The following HSD17B4 variants were observed in gnomAD, a reference collection of about 807,000 sequenced individuals.
The protein encoded by HSD17B4 is hydroxysteroid 17-beta dehydrogenase 4.
In HSD17B4, 70 loss-of-function variants were observed where a neutral mutation model predicts 101.0. That is an observed-to-expected ratio of 0.69 (90% confidence interval 0.57 to 0.85). The LOEUF is 0.85. Ranked by LOEUF, HSD17B4 falls within the 40% of genes least tolerant of loss-of-function variation. The probability of loss-of-function intolerance (pLI) is 0.00; values close to 1 mark genes in which losing one functional copy is unlikely to be tolerated. For synonymous variants in HSD17B4, 347 were observed against 297.1 expected, an observed-to-expected ratio of 1.17 and a Z score of -1.73; for missense variants, 984 against 892.4, an observed-to-expected ratio of 1.10 and a Z score of -1.31.
intron 8 of HSD17B4, among the ~76,000 whole-genome samples, chr5:119,481,103 C>G (rs1749087273): frequency 6.6e-6 from 1 of 152,112 alleles, no homozygotes; most frequent in East Asian, 1.9e-4. Flanking sequence ...ATACATCCTC[C>G]TCGGCTGACA....
chr5:119,502,325 A>C (rs1317180897), intron 14 of HSD17B4, among the ~76,000 whole-genome samples: 1 of 152,076 alleles, frequency 6.6e-6, no homozygotes, highest in African/African-American at 2.4e-5. Context: ...ATCTCTGTTG[A>C]TGTATGTGTT....
chr5:119,511,656 A>G (rs1752180042), intron 16 of HSD17B4, among the ~76,000 whole-genome samples: 1 of 152,166 alleles, frequency 6.6e-6, no homozygotes, highest in Non-Finnish European at 1.5e-5. Context: ...GGGTGACTGC[A>G]CCTACTCAAG....
At chr5:119,475,267 A>G (rs1344231185) in intron 4 of HSD17B4, among the ~76,000 whole-genome samples, 1 of 152,068 alleles carries the variant, frequency 6.6e-6, no homozygotes, top group Non-Finnish European at 1.5e-5. Context: ...ATGTATCAAG[A>G]TAAGGCATCA....
intron 2 of HSD17B4, chr5:119,472,401 C>G (rs554714288): frequency 6.6e-6 from 1 of 151,856 alleles, no homozygotes; most frequent in South Asian, 2.1e-4. Context: ...GTTGTATAGC[C>G]GATCTCTAGA....
intron 2 of HSD17B4, 106 bp downstream of exon 2, chr5:119,456,474 A>T: frequency 1.2e-6 from 1 of 842,658 alleles, no homozygotes; most frequent in Non-Finnish European, 2.0e-6. Context: ...GTTGAATTTT[A>T]TTATTAATTT....
In HSD17B4 at chr5:119,525,899, TG is replaced by T. The variant is rs751236276; in HGVS notation, c.1574-17del. 4 of 1,401,554 alleles carry T rather than the reference TG, an allele frequency of 2.9e-6. No homozygotes were observed. Among genetic ancestry groups the T allele is most frequent in the Non-Finnish European group, 4.1e-6 (4 of 986,278 alleles). 86.8% of individuals were successfully genotyped at this position (1,401,554 alleles called of 1,614,324 possible). On this transcript the variant is annotated splice_polypyrimidine_tract_variant and intron_variant, in intron 18 of 23. Coordinates refer to ENST00000510025, the MANE Select transcript of HSD17B4 (RefSeq NM_000414.4). The stretch of plus-strand genomic sequence containing the variant: ...TTAAAGGTACCTGTATCTAACTCAG[TG>T]TTCTCTCTTTTCCTAGGTTTTGACA...
chr5:119,474,120 A>T (rs1748334625), intron 3 of HSD17B4, 105 bp downstream of exon 3: 1 of 781,524 alleles, frequency 1.3e-6, no homozygotes, highest in Admixed American at 2.2e-5. Flanking sequence ...TATAATTATG[A>T]TTTTCTAAGT....
At position 119,493,833 on chromosome 5, in the gene HSD17B4, C is replaced by T. The variant is rs759881921; in HGVS notation, c.755C>T (p.Thr252Ile). Residue 252 changes from threonine to isoleucine, a missense_variant, in exon 11 of 24, where the codon ACT becomes ATT. Transcript: ENST00000510025. ...GWIGKLRWERTLGAIVRQKNH... is the reference protein window; with the variant it reads ...GWIGKLRWERILGAIVRQKNH... ...CTATAACCAGTACGCTGGGAGCGGA[C>T]TCTTGGAGCTATTGTAAGACAAAAG... 6.2e-6 allele frequency: 10 copies of T among 1,613,006 alleles called. No individual in the cohort carries two copies. In the Admixed American group the frequency reaches 1.7e-4, roughly 27 times the overall value.
chr5:119,501,885 A>G (rs2126789567), intron 13 of HSD17B4, among the ~76,000 whole-genome samples, 156 bp from the exon 14 acceptor site: 1 of 152,306 alleles, frequency 6.6e-6, no homozygotes, highest in Admixed American at 6.5e-5. Flanking sequence ...TTATTTTTCA[A>G]TCACATGATT....
intron 1 of HSD17B4, 57 bp from the exon 2 acceptor site, chr5:119,456,258 A>C (rs1292527736): frequency 8.5e-6 from 10 of 1,181,144 alleles, no homozygotes; most frequent in Non-Finnish European, 1.3e-5. Flanking sequence ...AGTTGAGCGG[A>C]CCAAAAAAAT....
chr5:119,517,076 G>A (rs1381759799), intron 17 of HSD17B4, among the ~76,000 whole-genome samples: 2 of 152,200 alleles, frequency 1.3e-5, no homozygotes, highest in Admixed American at 6.5e-5. Context: ...GCCAGAGCCG[G>A]CTCCCTCAGC....
In HSD17B4 at chr5:119,456,320, G is replaced by T. The variant is rs794729224; in HGVS notation, c.64G>T (p.Gly22Cys). ...VLVTGAGAGL[G>C]RAYALAFAER... ...ATTATTTTGTTTTTGATTAGGATTGGGCCGAGCCTATGCCCTGGCTTTTGC... is the reference window on the plus strand; with the variant it reads ...ATTATTTTGTTTTTGATTAGGATTGTGCCGAGCCTATGCCCTGGCTTTTGC... Residue 22 changes from glycine (G) to cysteine (C), a missense_variant, in exon 2 of 24, where the codon GGC (glycine) becomes TGC (cysteine). Transcript: ENST00000510025. The T allele has an allele frequency of 1.2e-6, 2 of 1,610,150 alleles. No individual in the cohort carries two copies. Among genetic ancestry groups the T allele is most frequent in the African/African-American group, 2.7e-5 (2 of 74,802 alleles).
intron 17 of HSD17B4, among the ~76,000 whole-genome samples, chr5:119,519,472 T>C (rs1752926946): frequency 1.3e-5 from 2 of 152,160 alleles, no homozygotes; most frequent in Non-Finnish European, 2.9e-5. Flanking sequence ...TAGTGGGAGA[T>C]CTTTGCAGAT....
chr5:119,490,900 A>G (rs185096228), intron 9 of HSD17B4, among the ~76,000 whole-genome samples: 65 of 152,284 alleles, frequency 4.3e-4, no homozygotes, highest in Middle Eastern at 3.4e-3. Flanking sequence ...AAACACACAG[A>G]CAATTAGGAT....
chr5:119,470,216 G>C (rs746727324), intron 2 of HSD17B4, among the ~76,000 whole-genome samples: 2 of 151,914 alleles, frequency 1.3e-5, no homozygotes, highest in Admixed American at 6.6e-5. Context: ...GGAGTGTAGG[G>C]TGCTGCATGG....
At chr5:119,477,255 A>C (rs1748670525) in intron 6 of HSD17B4, among the ~76,000 whole-genome samples, 162 bp from the exon 7 acceptor site, 1 of 152,216 alleles carries the variant, frequency 6.6e-6, no homozygotes, top group Admixed American at 6.5e-5. Context: ...TAGTAGCATA[A>C]CTGGAATAAA....
At chr5:119,471,580 A>C (rs574865676) in intron 2 of HSD17B4, 2 of 702,306 alleles carry the variant, frequency 2.8e-6, no homozygotes, top group South Asian at 3.4e-5. Context: ...TAACTATTAC[A>C]TTTTCATGTA....
At chr5:119,525,317 A>G (rs777304459) in intron 18 of HSD17B4, 32 bp downstream of exon 18, 2 of 1,277,480 alleles carry the variant, frequency 1.6e-6, no homozygotes, top group East Asian at 4.6e-5. Flanking sequence ...TCAATGAAAA[A>G]TATTAGCTAT....
Position 119,467,501 on chromosome 5 carries a change from T to C in HSD17B4, c.113-6407T>C, listed in dbSNP as rs555839927. Reference sequence around the variant, plus strand: ...TTGGGTGCATATATATTTACAACTGTTATGTCCTCTTGCTGAAATGATACC... The same window carrying C: ...TTGGGTGCATATATATTTACAACTGCTATGTCCTCTTGCTGAAATGATACC... On this transcript the variant is annotated intron_variant, in intron 2 of 23. Transcript: ENST00000510025. Among the ~76,000 whole-genome samples, 67 of 152,336 alleles carry C rather than the reference T, an allele frequency of 4.4e-4. 1 individual carries two copies. The highest frequency in any genetic ancestry group is 3.4e-3 in the Middle Eastern group (1 of 294).
Sources: gnomAD v4.1 joint callset for allele counts (sites outside exome capture counted in the v4.1 genomes callset) on GRCh38, gnomAD v4.1.1 for gene constraint, MANE v1.5 for transcripts, NCBI Gene and HGNC (gene_info 2026-07-23, HGNC 2026-07-21) for gene names.